HPS4: variants seen among roughly 807,000 people sequenced by gnomAD.
HPS4 encodes HPS4 biogenesis of lysosomal organelles complex 3 subunit 2.
A neutral mutation model predicts 70.3 loss-of-function variants in HPS4; 44 were observed. That is an observed-to-expected ratio of 0.63 (90% confidence interval 0.49 to 0.80). The LOEUF (loss-of-function observed/expected upper bound fraction) is 0.80, where lower values mean the gene tolerates loss of function less well. Ranked by LOEUF, HPS4 falls within the 30% of genes least tolerant of loss-of-function variation. The pLI is 0.00. For synonymous variants in HPS4, 377 were observed against 355.9 expected (o/e 1.06, Z -0.67); for missense variants, 873 against 884.4 (o/e 0.99, Z 0.16).
rs1389262836 is a variant in HPS4 at position 26,453,396 on chromosome 22, G to A, written c.1964C>T (p.Ser655Phe). The change falls in exon 14 of 14, where the codon TCC becomes TTC. Residue 655 changes from serine (S) to phenylalanine (F), a missense_variant. Transcript: ENST00000398145. ...ALYEMTVRNASTAVYACCNPI... is the reference protein window; with the variant it reads ...ALYEMTVRNAFTAVYACCNPI... Reference sequence around the variant, plus strand: ...GTTGCAACAGGCGTACACAGCCGTGGAGGCATTTCTGTTGGAGGAAGAAAG... The same window carrying A: ...GTTGCAACAGGCGTACACAGCCGTGAAGGCATTTCTGTTGGAGGAAGAAAG... 1.2e-6 allele frequency: 2 copies of A among 1,614,034 alleles called. No homozygotes were observed. The highest frequency in any genetic ancestry group is 2.7e-5 in the African/African-American group (2 of 75,066).
At chr22:26,454,805 C>T (rs1159014538) in intron 13 of HPS4, among the ~76,000 whole-genome samples, 13 of 152,152 alleles carry the variant, frequency 8.5e-5, no homozygotes, top group South Asian at 8.3e-4. Flanking sequence ...ACCTACAGAA[C>T]GGGAGAAAAT....
At chr22:26,478,909 C>T (rs1169809201) in intron 3 of HPS4, among the ~76,000 whole-genome samples, 1 of 152,098 alleles carries the variant, frequency 6.6e-6, no homozygotes, top group Non-Finnish European at 1.5e-5. Flanking sequence ...GTCTCAAACT[C>T]CTGACCTCAG....
At position 26,457,880 on chromosome 22, in the gene HPS4, G is replaced by A. The variant is rs749128912; in HGVS notation, c.1934C>T (p.Ala645Val). 12 of 1,614,144 alleles carry A rather than the reference G, an allele frequency of 7.4e-6. No homozygotes were observed. Among genetic ancestry groups the A allele is most frequent in the Admixed American group, 6.7e-5 (4 of 60,032 alleles). The change falls in exon 13 of 14, where the codon GCG becomes GTG. Residue 645 changes from alanine (A) to valine (V), a missense_variant. Coordinates refer to ENST00000398145, the MANE Select transcript of HPS4 (RefSeq NM_022081.6). The stretch of plus-strand genomic sequence containing the variant: ...TCACCTGACAGTCATTTCATAAAGC[G>A]CGGGCAGCTGGGCAAATTCGCTATG... ...LMHSEFAQLP[A>V]LYEMTVRNAS...
chr22:26,454,032 A>C (rs954824908), intron 13 of HPS4: 1 of 153,522 alleles, frequency 6.5e-6, no homozygotes, highest in African/African-American at 2.4e-5. Context: ...ACCTGGGAGG[A>C]GCCAACTCCA....
At chr22:26,470,623 C>T in intron 7 of HPS4, 96 bp downstream of exon 7, 1 of 1,253,722 alleles carries the variant, frequency 8.0e-7, no homozygotes, top group Admixed American at 1.8e-5. Context: ...TGGAACTGGC[C>T]AGAGACTGGG....
chr22:26,476,637 T>C (rs1015121058), intron 4 of HPS4: 1 of 245,640 alleles, frequency 4.1e-6, no homozygotes, highest in Admixed American at 5.1e-5. Context: ...CATATATCTA[T>C]CATTTTTTTC....
intron 11 of HPS4, among the ~76,000 whole-genome samples, chr22:26,460,475 G>A (rs534573115): frequency 1.3e-5 from 2 of 152,334 alleles, no homozygotes; most frequent in Non-Finnish European, 2.9e-5. Flanking sequence ...CCTCAAGAAC[G>A]TGCTAACAGT....
intron 2 of HPS4, among the ~76,000 whole-genome samples, chr22:26,481,215 T>A (rs1263463200): frequency 6.6e-6 from 1 of 152,214 alleles, no homozygotes; most frequent in East Asian, 1.9e-4. Context: ...ATCCTGCTAA[T>A]TCTAGCTAAA....
chr22:26,481,337 G>GT (rs1569135663), intron 2 of HPS4, among the ~76,000 whole-genome samples: 5 of 152,164 alleles, frequency 3.3e-5, no homozygotes, highest in African/African-American at 1.2e-4. Flanking sequence ...CAGACATTGA[G>GT]TAATACCCCT....
chr22:26,466,211 C>A lies in HPS4; in HGVS notation c.706+15G>T, dbSNP rs762647750. 3.1e-6 allele frequency: 5 copies of A among 1,614,016 alleles called. No homozygotes were observed. The highest frequency in any genetic ancestry group is 3.4e-6 in the Non-Finnish European group (4 of 1,179,850). On this transcript the variant is annotated intron_variant, in intron 9 of 13. Transcript: ENST00000398145. ...CCGCCGTTCTCAAGAGGCAACCATG[C>A]GCCTCACTACTTACCATGTTCCTGC...
chr22:26,457,792 C>T, intron 13 of HPS4, 67 bp downstream of exon 13: 1 of 1,170,758 alleles, frequency 8.5e-7, no homozygotes, highest in South Asian at 1.2e-5. Context: ...GCTGCCTGGG[C>T]CCCACAGGTG....
In HPS4 at chr22:26,465,520, G is replaced by A; in HGVS notation, c.738C>T (p.Ile246=). 6.2e-7 allele frequency: 1 copy of A among 1,614,130 alleles called. No homozygotes were observed. The highest frequency in any genetic ancestry group is 1.1e-5 in the South Asian group (1 of 91,080). Residue 246 remains isoleucine (I), a synonymous_variant, in exon 10 of 14, where the codon ATC becomes ATT. Coordinates refer to ENST00000398145, the MANE Select transcript of HPS4 (RefSeq NM_022081.6). The part of the protein sequence containing the change: ...GAALPPNVQI[I]PVFVTKEEAI... ...CTTCCTCTTTGGTCACAAAAACAGG[G>A]ATAATCTGGACATTCGGGGGCAATG...
At chr22:26,476,838 CAG>C in intron 4 of HPS4, 153 bp downstream of exon 4, 2 of 757,920 alleles carry the variant, frequency 2.6e-6, no homozygotes, top group Non-Finnish European at 2.3e-6. Flanking sequence ...TGAAAACCTG[CAG>C]AGAGTACCAC....
chr22:26,466,023 G>C, intron 9 of HPS4: 1 of 1,514,844 alleles, frequency 6.6e-7, no homozygotes, highest in Non-Finnish European at 8.9e-7. Flanking sequence ...GCAGGGATTT[G>C]ACAGCATGCC....
chr22:26,445,908 A>G (rs559816259), downstream of HPS4, among the ~76,000 whole-genome samples: 229 of 152,166 alleles, frequency 1.5e-3, no homozygotes, highest in Middle Eastern at 6.8e-3. Context: ...AGAGGGAGAC[A>G]GGGGGGTCTC....
rs1014635922 is a variant in HPS4, at chr22:26,468,480, C to G, written c.669+71G>C. 9 of 1,370,006 alleles carry G rather than the reference C, an allele frequency of 6.6e-6. No homozygotes were observed. The Admixed American group carries it at 1.6e-4, about 25-fold the overall frequency. 84.9% of individuals were successfully genotyped at this position (1,370,006 alleles called of 1,614,324 possible). A position where few individuals can be genotyped will look rare whatever the true frequency, so the allele number is the denominator to read the frequency against. ...GCTCCACGGCCTCTGCTCCTGATCCCTCCAGCCTCAGGCTCAGTGACCAGT... is the reference window on the plus strand; with the variant it reads ...GCTCCACGGCCTCTGCTCCTGATCCGTCCAGCCTCAGGCTCAGTGACCAGT... On this transcript the variant is annotated intron_variant, in intron 8 of 13. Transcript: ENST00000398145.
chr22:26,455,699 T>A (rs1056651023), intron 13 of HPS4, among the ~76,000 whole-genome samples: 2 of 151,712 alleles, frequency 1.3e-5, no homozygotes, highest in Admixed American at 6.6e-5. Flanking sequence ...CACCTCACGT[T>A]GTGCACAGCA....
chr22:26,476,728 C>T (rs899761923), intron 4 of HPS4: 2 of 451,900 alleles, frequency 4.4e-6, no homozygotes, highest in Non-Finnish European at 8.1e-6. Flanking sequence ...ACAGAGTAAA[C>T]AGAATTTCCA....
At position 26,477,043 on chromosome 22, in the gene HPS4, G is replaced by C; in HGVS notation, c.226C>G (p.Arg76Gly). ...DISDSPPTLV[R>G]LRKLKFAIKV... ...ATGGCAAACTTCAGTTTTCTCAGAC[G>C]AACAAGAGTAGGAGGAGAGTCAGAA... The change falls in exon 4 of 14, where the codon CGT becomes GGT. Residue 76 changes from arginine (R) to glycine (G), a missense_variant. Arg to Gly is a moderately radical substitution (Grantham distance 125). Transcript: ENST00000398145. The C allele has an allele frequency of 6.2e-7, 1 of 1,614,086 alleles. No individual in the cohort carries two copies.
Sources: allele counts gnomAD v4.1 joint callset (sites outside exome capture counted in the v4.1 genomes callset), GRCh38; gene constraint gnomAD v4.1.1; transcripts MANE v1.5; gene names NCBI Gene and HGNC (gene_info 2026-07-23, HGNC 2026-07-21).